PTPN23: variants seen among roughly 807,000 people sequenced by gnomAD.
PTPN23 encodes tyrosine-protein phosphatase non-receptor type 23.
Under a neutral mutation model 156.3 loss-of-function variants are expected in PTPN23, and 72 were observed. The ratio of observed to expected loss-of-function variants is 0.46; its 90% confidence interval spans 0.38 to 0.56. The LOEUF is 0.56. Among genes scored for constraint, PTPN23 ranks in the 20% least tolerant of loss-of-function variants. The probability of loss-of-function intolerance (pLI) is 0.00; values close to 1 mark genes in which losing one functional copy is unlikely to be tolerated. For missense variants in PTPN23, 1,974 were observed against 2,171.5 expected, an observed-to-expected ratio of 0.91 and a Z score of 1.81; for synonymous variants, 957 against 899.6, an observed-to-expected ratio of 1.06 and a Z score of -1.14.
intron 1 of PTPN23, among the ~76,000 whole-genome samples, chr3:47,385,916 C>G (rs1704643469): frequency 6.6e-6 from 1 of 152,192 alleles, no homozygotes; most frequent in Non-Finnish European, 1.5e-5. Flanking sequence ...ACTTCACTCC[C>G]CAGTCCTCTC....
chr3:47,391,933 TG>T (rs1197739450), intron 1 of PTPN23, among the ~76,000 whole-genome samples: 1 of 152,224 alleles, frequency 6.6e-6, no homozygotes, highest in African/African-American at 2.4e-5. Flanking sequence ...TCACCCAGGC[TG>T]GAGTGCAGTG....
At chr3:47,399,877 CT>C in intron 2 of PTPN23, among the ~76,000 whole-genome samples, 1 of 152,222 alleles carries the variant, frequency 6.6e-6, no homozygotes, top group East Asian at 1.9e-4. Flanking sequence ...GGGGTGCAGT[CT>C]ATCTTGGCTC....
Position 47,401,361 on chromosome 3 carries a change from C to T in PTPN23, c.160-3291C>T, listed in dbSNP as rs186714225. Among the ~76,000 whole-genome samples the T allele has an allele frequency of 2.0e-3, 306 of 152,166 alleles. 3 individuals are homozygous for T. Among genetic ancestry groups the T allele is most frequent in the African/African-American group, 6.6e-3 (274 of 41,524 alleles). ...AGCTGGGACTACAGGTATGCATCAC[C>T]GCACCTGGCCAATTTTTGTATTTTT... On this transcript the variant is annotated intron_variant, in intron 2 of 24. Coordinates refer to ENST00000265562, the MANE Select transcript of PTPN23 (RefSeq NM_015466.4).
rs767436914 is a variant in PTPN23, at chr3:47,407,560, T to G, written c.979T>G (p.Leu327Val). 1.2e-6 allele frequency: 2 copies of G among 1,613,950 alleles called. No individual in the cohort carries two copies. The highest frequency in any genetic ancestry group is 2.2e-5 in the South Asian group (2 of 91,078). ...CATTTACCATGAGGCTGTCCCAGCA[T>G]TGGACACTCTTCAGCCTGTAAAAGG... is the stretch of plus-strand genomic sequence containing the variant. ...DFIYHEAVPALDTLQPVKGAP... is the reference protein window; with the variant it reads ...DFIYHEAVPAVDTLQPVKGAP... The change falls in exon 12 of 25, where the codon TTG becomes GTG. Residue 327 changes from leucine to valine, a missense_variant. By Grantham distance (32) the Leu-to-Val change is conservative. Transcript: ENST00000265562. The surrounding 1 kb of genome is among the most constrained non-coding windows in gnomAD (Gnocchi z 4.0).
Position 47,411,979 on chromosome 3 carries a change from G to C in PTPN23, c.4073+12G>C. On this transcript the variant is annotated intron_variant, in intron 21 of 24. Coordinates refer to ENST00000265562, the MANE Select transcript of PTPN23 (RefSeq NM_015466.4). This position sits in a 1 kb window ranked among gnomAD's most constrained non-coding sequence, Gnocchi z 6.3. The stretch of plus-strand genomic sequence containing the variant: ...ACTTGGCCTGAGTTGTGAGTCCACT[G>C]CTCTGGATGGTGGTTGGGGGTCTAA... The C allele has an allele frequency of 6.2e-7, 1 of 1,608,516 alleles. No homozygotes were observed. The highest frequency in any genetic ancestry group is 1.1e-5 in the South Asian group (1 of 90,410).
Position 47,412,200 on chromosome 3 carries a change from T to A in PTPN23, c.4178+2T>A. The A allele has an allele frequency of 6.2e-7, 1 of 1,613,220 alleles. No individual in the cohort carries two copies. The highest frequency in any genetic ancestry group is 8.5e-7 in the Non-Finnish European group (1 of 1,180,012). ...CACGCCCATCATTGTGCACTGCAGG[T>A]AGAGGGTGGGCCTGAGGGTCTCTCC... On this transcript the variant is annotated splice_donor_variant, in intron 22 of 24. Coordinates refer to ENST00000265562, the MANE Select transcript of PTPN23 (RefSeq NM_015466.4). LOFTEE classifies it high-confidence loss of function.
chr3:47,394,901 G>A (rs1029117121), intron 1 of PTPN23, among the ~76,000 whole-genome samples: 5 of 152,136 alleles, frequency 3.3e-5, no homozygotes, highest in African/African-American at 7.2e-5. Context: ...GAAGGGGTGG[G>A]TTGTCCAGGA....
chr3:47,411,194 G>C lies in PTPN23; in HGVS notation c.3396G>C (p.Gln1132His), dbSNP rs776081680. The part of the protein sequence containing the change: ...SSPESQHGGT[Q>H]SPGGGQPLLQ... The stretch of plus-strand genomic sequence containing the variant: ...CGGAGAGCCAGCATGGCGGCACTCA[G>C]TCTCCTGGGGGTGGGCAGCCCCTGC... Residue 1132 changes from glutamine to histidine, a missense_variant, in exon 20 of 25, where the codon CAG becomes CAC. Physicochemically the swap from Gln to His is conservative, Grantham distance 24. Around this residue, in one of 4 missense-constraint regions of PTPN23, gnomAD observed 731 missense variants for 669.1 expected, o/e 1.09. Transcript: ENST00000265562. This position sits in a 1 kb window ranked among gnomAD's most constrained non-coding sequence, Gnocchi z 6.3. 1.1e-5 allele frequency: 17 copies of C among 1,603,968 alleles called. No individual in the cohort carries two copies. The highest frequency in any genetic ancestry group is 1.3e-5 in the Non-Finnish European group (15 of 1,177,804).
At position 47,407,851 on chromosome 3, in the gene PTPN23, A is replaced by C. The variant is rs763359459; in HGVS notation, c.1119-39A>C. 4 of 1,614,070 alleles carry C rather than the reference A, an allele frequency of 2.5e-6. No individual in the cohort carries two copies. The Admixed American group carries it at 6.7e-5, about 27-fold the overall frequency. ...GCACAGAGGGAGGTGGGGTGTCTTG[A>C]GATGTGGGTCTTCAGCAAATGCTCT... On this transcript the variant is annotated intron_variant, in intron 13 of 24. Transcript: ENST00000265562. The surrounding 1 kb of genome is among the most constrained non-coding windows in gnomAD (Gnocchi z 4.0).
Position 47,411,939 on chromosome 3 carries a change from C to T in PTPN23, c.4045C>T (p.His1349Tyr), listed in dbSNP as rs1254523836. 6.2e-7 allele frequency: 1 copy of T among 1,612,596 alleles called. No homozygotes were observed. Among genetic ancestry groups the T allele is most frequent in the South Asian group, 1.1e-5 (1 of 90,930 alleles). Residue 1349 changes from histidine to tyrosine, a missense_variant, in exon 21 of 25, where the codon CAC becomes TAC. Transcript: ENST00000265562. This position sits in a 1 kb window ranked among gnomAD's most constrained non-coding sequence, Gnocchi z 6.3. ...RDQSLKRSLV[H>Y]LHFPTWPELG... is the part of the protein sequence containing the mutation. ...CCAGAGCCTCAAGCGCTCTCTTGTG[C>T]ACCTGCACTTCCCCACTTGGCCTGA...
intron 1 of PTPN23, among the ~76,000 whole-genome samples, chr3:47,391,258 A>G (rs1002287393): frequency 1.3e-5 from 2 of 152,194 alleles, no homozygotes; most frequent in Admixed American, 1.3e-4. Context: ...AAATAAAACA[A>G]TAAAAAATAA....
rs763694529 is a variant in PTPN23 at position 47,410,739 on chromosome 3, C to A, written c.2941C>A (p.Pro981Thr). Reference protein sequence around the residue: ...PPQQPLPLQHPHLFPPQAPGL... With the variant: ...PPQQPLPLQHTHLFPPQAPGL... The stretch of plus-strand genomic sequence containing the variant: ...ACAGCAGCCCCTTCCACTCCAGCAT[C>A]CACATCTCTTCCCACCCCAGGCCCC... The change falls in exon 20 of 25, where the codon CCA (proline) becomes ACA (threonine). Residue 981 changes from proline to threonine, a missense_variant. Around this residue, in one of 4 missense-constraint regions of PTPN23, gnomAD observed 731 missense variants for 669.1 expected, o/e 1.09. Coordinates refer to ENST00000265562, the MANE Select transcript of PTPN23 (RefSeq NM_015466.4). 1.9e-6 allele frequency: 3 copies of A among 1,570,694 alleles called. No individual in the cohort carries two copies. The South Asian group carries it at 3.5e-5, about 18-fold the overall frequency.
At chr3:47,401,051 C>T (rs913455327) in intron 2 of PTPN23, among the ~76,000 whole-genome samples, 3 of 151,780 alleles carry the variant, frequency 2.0e-5, no homozygotes, top group Admixed American at 1.3e-4. Context: ...TACAGGTGCC[C>T]GTCACCATGC....
chr3:47,404,539 G>A (rs1181634918), intron 2 of PTPN23, 113 bp from the exon 3 acceptor site: 2 of 1,410,270 alleles, frequency 1.4e-6, no homozygotes, highest in Non-Finnish European at 9.8e-7. Context: ...GGATCCCTTG[G>A]TGTGTGCAGT....
In PTPN23 at chr3:47,406,633, G is replaced by T. The variant is rs759922518; in HGVS notation, c.759+21G>T. The stretch of plus-strand genomic sequence containing the variant: ...CTCATGTGAGGGCCTGGGGCCCCAG[G>T]GCGGGGCAGGGCGGGGCTGAGTGGC... On this transcript the variant is annotated intron_variant, in intron 8 of 24. Transcript: ENST00000265562. The surrounding 1 kb of genome is among the most constrained non-coding windows in gnomAD (Gnocchi z 5.8). 5.0e-6 allele frequency: 8 copies of T among 1,613,826 alleles called. No individual in the cohort carries two copies. The highest frequency in any genetic ancestry group is 5.9e-6 in the Non-Finnish European group (7 of 1,179,946).
At chr3:47,389,126 C>T (rs1704716127) in intron 1 of PTPN23, among the ~76,000 whole-genome samples, 1 of 152,064 alleles carries the variant, frequency 6.6e-6, no homozygotes, top group Non-Finnish European at 1.5e-5. Flanking sequence ...TTTTAGCTCC[C>T]ACAAAAAAGT....
intron 2 of PTPN23, among the ~76,000 whole-genome samples, chr3:47,398,259 C>G (rs1704920460): frequency 6.6e-6 from 1 of 152,052 alleles, no homozygotes; most frequent in South Asian, 2.1e-4. Context: ...AGATCGCACC[C>G]CTGCATCCAG....
rs1007913831 is a variant in PTPN23, at chr3:47,403,055, C to CT, written c.160-1582dup. Among the ~76,000 whole-genome samples the CT allele has an allele frequency of 5.2e-3, 722 of 138,448 alleles. 2 individuals are homozygous for CT. The highest frequency in any genetic ancestry group is 0.013 in the African/African-American group (497 of 37,938). The allele number at this position is 138,448 out of a possible 152,430, so 90.8% of individuals were successfully genotyped here. A position where few individuals can be genotyped will look rare whatever the true frequency, so the allele number is the denominator to read the frequency against. ...TTTGTATGATCCCATTTGTTACATT[C>CT]TTTTTTTTTTTTTTTGAGACGGAGT... On this transcript the variant is annotated intron_variant, in intron 2 of 24. Transcript: ENST00000265562.
chr3:47,385,200 T>G (rs1704628374), intron 1 of PTPN23, among the ~76,000 whole-genome samples: 1 of 152,242 alleles, frequency 6.6e-6, no homozygotes, highest in Admixed American at 6.5e-5. Context: ...TGATTTGGCC[T>G]CAGGTATTTC....
Sources: allele counts gnomAD v4.1 joint callset (sites outside exome capture counted in the v4.1 genomes callset), GRCh38; gene constraint gnomAD v4.1.1; regional missense constraint gnomAD v4.1.1; non-coding constraint Gnocchi (gnomAD v3.1); transcripts MANE v1.5; gene names NCBI Gene and HGNC (gene_info 2026-07-23, HGNC 2026-07-21).